The following TNRC18 variants were observed in gnomAD, a reference collection of about 807,000 sequenced individuals.
TNRC18 encodes trinucleotide repeat containing 18.
TNRC18 carries 69 observed loss-of-function variants against 226.7 expected under a neutral mutation model. The observed-to-expected ratio is 0.30, with a 90% CI of 0.25 to 0.37. The LOEUF is 0.37. Ranked by LOEUF, TNRC18 falls within the 10% of genes least tolerant of loss-of-function variation. TNRC18 has a pLI of 1.00. For synonymous variants in TNRC18, 2,449 were observed against 1,927.6 expected, an observed-to-expected ratio of 1.27 and a Z score of -7.09; for missense variants, 4,754 against 4,256.6, an observed-to-expected ratio of 1.12 and a Z score of -3.25.
At chr7:5,398,318 A>AC (rs1780842653) in intron 2 of TNRC18, among the ~76,000 whole-genome samples, 1 of 151,658 alleles carries the variant, frequency 6.6e-6, no homozygotes, top group Admixed American at 6.6e-5. Context: ...TTACAGGTAT[A>AC]CCCCACGACG....
intron 5 of TNRC18, 27 bp downstream of exon 5, chr7:5,387,645 C>T: frequency 1.9e-6 from 3 of 1,600,450 alleles, no homozygotes; most frequent in Non-Finnish European, 1.7e-6. Flanking sequence ...AGATCCTACC[C>T]GCACCTGGGC....
intron 5 of TNRC18, among the ~76,000 whole-genome samples, chr7:5,378,547 T>C (rs917654656): frequency 2.6e-5 from 4 of 151,716 alleles, no homozygotes; most frequent in African/African-American, 9.7e-5. Context: ...GCCTCCCAAG[T>C]AGCTGGGACT....
intron 2 of TNRC18, among the ~76,000 whole-genome samples, chr7:5,417,275 C>CGG (rs1782252187): frequency 6.6e-6 from 1 of 152,104 alleles, no homozygotes; most frequent in Non-Finnish European, 1.5e-5. Flanking sequence ...CAACACCAGC[C>CGG]GGGGCAACAT....
chr7:5,345,548 C>T lies in TNRC18; in HGVS notation c.5719+14G>A, dbSNP rs865810620. The T allele has an allele frequency of 6.2e-6, 9 of 1,449,886 alleles. No homozygotes were observed. The highest frequency in any genetic ancestry group is 5.0e-5 in the Admixed American group (2 of 40,314). 89.8% of individuals were successfully genotyped at this position (1,449,886 alleles called of 1,614,324 possible). ...CCCACCCACCCCCACCGCAGCCCAC[C>T]TGCTGCCACTTACCCAGCAGGCTCT... On this transcript the variant is annotated intron_variant, in intron 18 of 29. Coordinates refer to ENST00000430969, the MANE Select transcript of TNRC18 (RefSeq NM_001080495.3).
At chr7:5,375,733 A>G (rs1368915014) in intron 9 of TNRC18, among the ~76,000 whole-genome samples, 1 of 151,996 alleles carries the variant, frequency 6.6e-6, no homozygotes, top group Non-Finnish European at 1.5e-5. Flanking sequence ...TCAGTGTCCA[A>G]TCACCCTTCC....
chr7:5,385,473 C>T (rs1315782896), intron 5 of TNRC18, among the ~76,000 whole-genome samples: 51 of 126,004 alleles, frequency 4.0e-4, no homozygotes, highest in South Asian at 1.3e-3. Context: ...CCGGCCTGGG[C>T]GACAGAGCGA....
Position 5,388,730 on chromosome 7 carries a change from C to T in TNRC18, c.1094G>A (p.Arg365His), listed in dbSNP as rs1259773503. Residue 365 changes from arginine to histidine, a missense_variant, in exon 5 of 30, where the codon CGT (arginine) becomes CAT (histidine). By Grantham distance (29) the Arg-to-His change is conservative. Transcript: ENST00000430969. ...GGTGGGCGCCACCACGCGGTGCTCA[C>T]GGCCCTGCTCGCGGAAGACGGTGTA... ...GVYTVFREQG[R>H]EHRVVAPTFV... 16 of 1,256,426 alleles carry T rather than the reference C, an allele frequency of 1.3e-5. No individual in the cohort carries two copies. Among genetic ancestry groups the T allele is most frequent in the Admixed American group, 4.4e-5 (1 of 22,612 alleles). 77.8% of individuals were successfully genotyped at this position (1,256,426 alleles called of 1,614,324 possible). A position where few individuals can be genotyped will look rare whatever the true frequency, so the allele number is the denominator to read the frequency against.
At chr7:5,345,530 AC>A in intron 18 of TNRC18, 31 bp downstream of exon 18, 3 of 176,558 alleles carry the variant, frequency 1.7e-5, no homozygotes, top group Non-Finnish European at 3.2e-5. Flanking sequence ...CCTCCCACCC[AC>A]CCCCACCGCA....
At chr7:5,353,263 G>A (rs1213720528) in intron 16 of TNRC18, among the ~76,000 whole-genome samples, 2 of 152,216 alleles carry the variant, frequency 1.3e-5, no homozygotes, top group Non-Finnish European at 2.9e-5. Flanking sequence ...GAGGTCGGGT[G>A]CAATGGCTTG....
At position 5,312,809 on chromosome 7, in the gene TNRC18, G is replaced by C; in HGVS notation, c.8082C>G (p.Ser2694=). ...CCTTGGTGGGGAGCGCCGCCTGCGC[G>C]GAAGGGCCAGCCGTGGGGGCGGGGG... ...EAAPAPTAGP[S]AQAALPTKAT... Residue 2694 remains serine (S), a synonymous_variant, in exon 27 of 30, where the codon TCC becomes TCG. Coordinates refer to ENST00000430969, the MANE Select transcript of TNRC18 (RefSeq NM_001080495.3). This position sits in a 1 kb window ranked among gnomAD's most constrained non-coding sequence, Gnocchi z 6.3. 6.5e-7 allele frequency: 1 copy of C among 1,534,084 alleles called. No homozygotes were observed. The highest frequency in any genetic ancestry group is 8.7e-7 in the Non-Finnish European group (1 of 1,144,486).
Position 5,307,258 on chromosome 7 carries a change from T to G in TNRC18, c.*848A>C, listed in dbSNP as rs976006862. On this transcript the variant is annotated 3_prime_UTR_variant, in exon 30 of 30. Transcript: ENST00000430969. ...TTTTCACAGTTTTAAAAAGTTTATATATATATTTATATATATTTATCTTTA... is the reference window on the plus strand; with the variant it reads ...TTTTCACAGTTTTAAAAAGTTTATAGATATATTTATATATATTTATCTTTA... 1 of 148,602 alleles carries G rather than the reference T, an allele frequency of 6.7e-6. No individual in the cohort carries two copies. Among genetic ancestry groups the G allele is most frequent in the African/African-American group, 2.4e-5 (1 of 40,876 alleles). 9.2% of individuals were successfully genotyped at this position (148,602 alleles called of 1,614,324 possible).
chr7:5,351,960 G>C lies in TNRC18; in HGVS notation c.5329C>G (p.Leu1777Val), dbSNP rs755658187. The C allele has an allele frequency of 2.5e-6, 4 of 1,613,952 alleles. No homozygotes were observed. Among genetic ancestry groups the C allele is most frequent in the Middle Eastern group, 1.7e-4 (1 of 6,060 alleles). Reference protein sequence around the residue: ...KNSKAAGGPKLTKRGLAAPRT... With the variant: ...KNSKAAGGPKVTKRGLAAPRT... ...GGGGCCGCCAGGCCCCTCTTGGTCA[G>C]CTTGGGGCCACCAGCTGCCTTGCTG... The change falls in exon 17 of 30, where the codon CTG (leucine) becomes GTG (valine). Residue 1777 changes from leucine (L) to valine (V), a missense_variant. By Grantham distance (32) the Leu-to-Val change is conservative (BLOSUM62 1). Transcript: ENST00000430969.
intron 9 of TNRC18, among the ~76,000 whole-genome samples, chr7:5,375,715 G>A (rs1794603217): frequency 6.6e-6 from 1 of 152,094 alleles, no homozygotes. Context: ...GGAGCCCACT[G>A]GACTCCTTCA....
At chr7:5,412,386 G>C (rs1166753364) in intron 2 of TNRC18, among the ~76,000 whole-genome samples, 1 of 152,048 alleles carries the variant, frequency 6.6e-6, no homozygotes, top group Admixed American at 6.6e-5. Flanking sequence ...GACCAGTCTG[G>C]CCAACATGGT....
intron 11 of TNRC18, among the ~76,000 whole-genome samples, chr7:5,365,100 T>C (rs1417118564): frequency 1.3e-5 from 2 of 152,124 alleles, no homozygotes; most frequent in Admixed American, 6.6e-5. Context: ...TCATCTCCCA[T>C]TGATGGCATT....
At chr7:5,363,536 G>A (rs148659295) in intron 11 of TNRC18, among the ~76,000 whole-genome samples, 35 of 152,064 alleles carry the variant, frequency 2.3e-4, no homozygotes, top group Admixed American at 6.5e-4. Context: ...CCTGGGAGGC[G>A]GAGCTTGCAG....
chr7:5,334,673 G>A (rs974315402), intron 18 of TNRC18, among the ~76,000 whole-genome samples: 1 of 152,156 alleles, frequency 6.6e-6, no homozygotes, highest in Non-Finnish European at 1.5e-5. Context: ...CAGGCCACAG[G>A]CATGAGCGCT....
Position 5,362,838 on chromosome 7 carries a change from G to T in TNRC18, c.4220-13C>A. The T allele has an allele frequency of 6.6e-7, 1 of 1,504,270 alleles. No homozygotes were observed. 93.2% of individuals were successfully genotyped at this position (1,504,270 alleles called of 1,614,324 possible). The stretch of plus-strand genomic sequence containing the variant: ...GCCCGCTCCGCACCTGTGGACAGGA[G>T]GTAGGTAACAGGGCGCTGCTGCCAC... On this transcript the variant is annotated splice_polypyrimidine_tract_variant and intron_variant, in intron 11 of 29. Transcript: ENST00000430969.
intron 5 of TNRC18, among the ~76,000 whole-genome samples, chr7:5,379,083 G>T (rs554311614): frequency 6.6e-6 from 1 of 152,174 alleles, no homozygotes; most frequent in Non-Finnish European, 1.5e-5. Flanking sequence ...TGTGATCCCA[G>T]CTACTCAGGA....
Sources: gnomAD v4.1 joint callset for allele counts (sites outside exome capture counted in the v4.1 genomes callset) on GRCh38, gnomAD v4.1.1 for gene constraint, Gnocchi (gnomAD v3.1) non-coding constraint, MANE v1.5 for transcripts, NCBI Gene and HGNC (gene_info 2026-07-23, HGNC 2026-07-21) for gene names.